Variants in SI observed in about 807,000 individuals in gnomAD.
SI encodes sucrase-isomaltase, intestinal.
Under a neutral mutation model 253.3 loss-of-function variants are expected in SI, and 235 were observed. That is an observed-to-expected ratio of 0.93 (90% CI 0.83 to 1.03). The LOEUF is 1.03. Ranked by LOEUF, SI falls within the 50% of genes least tolerant of loss-of-function variation. SI has a pLI of 0.00. For missense variants in SI, 2,442 were observed against 2,211.1 expected, an observed-to-expected ratio of 1.10 and a Z score of -2.09; for synonymous variants, 819 against 712.0, an observed-to-expected ratio of 1.15 and a Z score of -2.39.
In SI at chr3:165,030,753, T is replaced by C; in HGVS notation, c.2851A>G (p.Thr951Ala). The change falls in exon 25 of 48, where the codon ACT (threonine) becomes GCT (alanine). Residue 951 changes from threonine (T) to alanine (A), a missense_variant. Transcript: ENST00000264382. ...FNCYPDADLA[T>A]EQKCTQRGCV... ...CCACGTTGTGTGCACTTTTGTTCAG[T>C]TGCCAAATCTGCATCTGGATAACAA... The C allele has an allele frequency of 6.2e-7, 1 of 1,609,190 alleles. No individual in the cohort carries two copies. Among genetic ancestry groups the C allele is most frequent in the Non-Finnish European group, 8.5e-7 (1 of 1,176,956 alleles).
At chr3:164,998,475 A>G in intron 38 of SI, 65 bp downstream of exon 38, 1 of 1,531,182 alleles carries the variant, frequency 6.5e-7, no homozygotes, top group Non-Finnish European at 9.0e-7. Flanking sequence ...ATGACCTAGC[A>G]CCAGCAAAAG....
chr3:165,002,636 C>T lies in SI; in HGVS notation c.4407-3963G>A, dbSNP rs371573264. Among the ~76,000 whole-genome samples, 8 of 151,796 alleles carry T rather than the reference C, an allele frequency of 5.3e-5. 1 individual carries two copies. Among genetic ancestry groups the T allele is most frequent in the East Asian group, 1.9e-4 (1 of 5,172 alleles). On this transcript the variant is annotated intron_variant, in intron 37 of 47. Transcript: ENST00000264382. The stretch of plus-strand genomic sequence containing the variant: ...CTCAATGATAAACAGAAAGACTTTA[C>T]TCTTCATAATTTGCTTAAATGTAAC...
At chr3:164,986,481 A>G (rs1458449757) in intron 45 of SI, among the ~76,000 whole-genome samples, 2 of 152,204 alleles carry the variant, frequency 1.3e-5, no homozygotes, top group Non-Finnish European at 2.9e-5. Flanking sequence ...GACAGGCCTT[A>G]CTAGATTTCC....
In SI at chr3:165,059,900, A is replaced by G; in HGVS notation, c.1146+2T>C. The G allele has an allele frequency of 6.2e-7, 1 of 1,611,072 alleles. No homozygotes were observed. Among genetic ancestry groups the G allele is most frequent in the Non-Finnish European group, 8.5e-7 (1 of 1,177,742 alleles). On this transcript the variant is annotated splice_donor_variant, in intron 10 of 47. Transcript: ENST00000264382. LOFTEE classifies it high-confidence loss of function. ...TTCCCACGGACCCTTTATTCTACTT[A>G]CAAATGGTATGCCAGCTTCCCGGTT...
rs1216232085 is a variant in SI at position 164,992,304 on chromosome 3, A to G, written c.4926+9T>C. The G allele has an allele frequency of 6.2e-7, 1 of 1,611,988 alleles. No individual in the cohort carries two copies. Among genetic ancestry groups the G allele is most frequent in the African/African-American group, 1.3e-5 (1 of 74,870 alleles). On this transcript the variant is annotated intron_variant, in intron 42 of 47. Transcript: ENST00000264382. ...AATTGTGTAAACAAAAATATGTGGT[A>G]GGACTTACAGGTTCCAGTACTGGGG...
chr3:164,996,631 A>G lies in SI; in HGVS notation c.4596T>C (p.Gly1532=). ...GATGATATTCTGAGTTGTTGAAAAAACCACAGATGTCTGCTCCAGTCTAAA... is the reference window on the plus strand; with the variant it reads ...GATGATATTCTGAGTTGTTGAAAAAGCCACAGATGTCTGCTCCAGTCTAAA... ...GMSYTGADIC[G]FFNNSEYHLC... The change falls in exon 40 of 48, where the codon GGT becomes GGC. Residue 1532 remains glycine (G), a synonymous_variant. Coordinates refer to ENST00000264382, the MANE Select transcript of SI (RefSeq NM_001041.4). 1.2e-6 allele frequency: 2 copies of G among 1,600,256 alleles called. No homozygotes were observed. The highest frequency in any genetic ancestry group is 1.7e-6 in the Non-Finnish European group (2 of 1,168,224).
intron 35 of SI, among the ~76,000 whole-genome samples, chr3:165,008,970 A>G (rs1043661897): frequency 6.6e-6 from 1 of 152,064 alleles, no homozygotes; most frequent in South Asian, 2.1e-4. Flanking sequence ...TGGTTATTTA[A>G]GCCTGACACT....
chr3:165,059,288 G>A lies in SI; in HGVS notation c.1158C>T (p.Val386=). The A allele has an allele frequency of 6.2e-7, 1 of 1,612,272 alleles. No homozygotes were observed. Among genetic ancestry groups the A allele is most frequent in the East Asian group, 2.2e-5 (1 of 44,754 alleles). The change falls in exon 11 of 48, where the codon GTC becomes GTT. Residue 386 remains valine, a synonymous_variant. Coordinates refer to ENST00000264382, the MANE Select transcript of SI (RefSeq NM_001041.4). The part of the protein sequence containing the change: ...REAGIPFDTQ[V]TDIDYMEDKK... The stretch of plus-strand genomic sequence containing the variant: ...TGTCTTCCATGTAGTCAATATCAGT[G>A]ACCTGTGTATCCTGAAAGTTAGAAG...
chr3:165,046,904 T>A lies in SI; in HGVS notation c.1824A>T (p.Ser608=), dbSNP rs199885741. ...TTATAGACCATTCCATTTGTTCCCA[T>A]GAAGCAGTATTGTCTCCTAACCAAT... ...AAHWLGDNTA[S]WEQMEWSITG... Residue 608 remains serine (S), a synonymous_variant, in exon 16 of 48, where the codon TCA becomes TCT. Transcript: ENST00000264382. The A allele has an allele frequency of 2.5e-6, 4 of 1,613,304 alleles. No individual in the cohort carries two copies. Among genetic ancestry groups the A allele is most frequent in the Non-Finnish European group, 3.4e-6 (4 of 1,179,524 alleles).
chr3:165,045,365 C>T (rs923594136), intron 16 of SI, among the ~76,000 whole-genome samples: 2 of 152,002 alleles, frequency 1.3e-5, no homozygotes, highest in African/African-American at 4.8e-5. Context: ...AAAAGTCCTA[C>T]ATTTAGTTTT....
intron 16 of SI, among the ~76,000 whole-genome samples, chr3:165,043,997 C>T (rs962314249): frequency 6.6e-6 from 1 of 151,874 alleles, no homozygotes; most frequent in African/African-American, 2.4e-5. Flanking sequence ...AAATCCAAAA[C>T]ATTTTGAGAG....
rs183949901 is a variant in SI, at chr3:165,068,160, A to G, written c.483+562T>C. 9.6e-4 allele frequency among the ~76,000 whole-genome samples: 120 copies of G among 125,188 alleles called. 1 individual carries two copies. In the East Asian group the frequency reaches 0.031, roughly 32 times the overall value. The allele number at this position is 125,188 out of a possible 152,430, so 82.1% of individuals were successfully genotyped here. On this transcript the variant is annotated intron_variant, in intron 5 of 47. Coordinates refer to ENST00000264382, the MANE Select transcript of SI (RefSeq NM_001041.4). ...CGACACTAACACTTTTCTGAAATTA[A>G]ATTTTAGATTAATCTTCTGCATAGC... is the stretch of plus-strand genomic sequence containing the variant.
At chr3:165,051,788 T>C (rs1378466772) in intron 13 of SI, among the ~76,000 whole-genome samples, 1 of 151,970 alleles carries the variant, frequency 6.6e-6, no homozygotes, top group Non-Finnish European at 1.5e-5. Context: ...ACAAAATCTT[T>C]CATCAATGAA....
At chr3:165,052,425 G>A (rs1713479040) in intron 13 of SI, among the ~76,000 whole-genome samples, 1 of 152,098 alleles carries the variant, frequency 6.6e-6, no homozygotes, top group Admixed American at 6.6e-5. Flanking sequence ...TGAGGCCAAG[G>A]CGGGTGGATC....
Position 164,996,566 on chromosome 3 carries a change from T to C in SI, c.4661A>G (p.Tyr1554Cys), listed in dbSNP as rs773712921. ...ATTTGCAATGTTGTGATTCCTTGAG[T>C]ATGGATAAAATGCTCCAAGTTGCAT... ...RWMQLGAFYP[Y>C]SRNHNIANTR... The change falls in exon 40 of 48, where the codon TAC (tyrosine) becomes TGC (cysteine). Residue 1554 changes from tyrosine (Y) to cysteine (C), a missense_variant. Physicochemically the swap from Tyr to Cys is radical, Grantham distance 194. Transcript: ENST00000264382. 1.9e-6 allele frequency: 3 copies of C among 1,601,384 alleles called. No individual in the cohort carries two copies. The highest frequency in any genetic ancestry group is 2.6e-6 in the Non-Finnish European group (3 of 1,169,054).
intron 1 of SI, 36 bp downstream of exon 1, chr3:165,078,395 CAT>C (rs1351206839): frequency 1.3e-5 from 2 of 151,820 alleles, no homozygotes; most frequent in Admixed American, 6.6e-5. Flanking sequence ...TAGTTGAAAA[CAT>C]AAAAATAACA....
Position 164,998,511 on chromosome 3 carries a change from T to G in SI, c.4540+29A>C, listed in dbSNP as rs751378013. ...TGAGTATCTAATAGAAAACACAAAA[T>G]AATAATAAAGATGGTGACTTTCACT... is the stretch of plus-strand genomic sequence containing the variant. On this transcript the variant is annotated intron_variant, in intron 38 of 47. Transcript: ENST00000264382. 20 of 1,609,404 alleles carry G rather than the reference T, an allele frequency of 1.2e-5. No individual in the cohort carries two copies. In the Admixed American group the frequency reaches 3.3e-4, roughly 27 times the overall value.
At position 165,065,416 on chromosome 3, in the gene SI, C is replaced by T. The variant is rs374734531; in HGVS notation, c.652G>A (p.Gly218Ser). 2 of 1,520,094 alleles carry T rather than the reference C, an allele frequency of 1.3e-6. No homozygotes were observed. The highest frequency in any genetic ancestry group is 1.5e-5 in the African/African-American group (1 of 68,534). 94.2% of individuals were successfully genotyped at this position (1,520,094 alleles called of 1,614,324 possible). A position where few individuals can be genotyped will look rare whatever the true frequency, so the allele number is the denominator to read the frequency against. The change falls in exon 7 of 48, where the codon GGT (glycine) becomes AGT (serine). Residue 218 changes from glycine (G) to serine (S), a missense_variant. Physicochemically the swap from Gly to Ser is moderately conservative, Grantham distance 56. Coordinates refer to ENST00000264382, the MANE Select transcript of SI (RefSeq NM_001041.4). Reference protein sequence around the residue: ...NGKTLFDTSIGPLVYSDQYLQ... With the variant: ...NGKTLFDTSISPLVYSDQYLQ... Reference sequence around the variant, plus strand: ...TACTGGTCAGAGTACACTAAGGGACCAATGCTGGTGTCAAACCTGCACCAT... The same window carrying T: ...TACTGGTCAGAGTACACTAAGGGACTAATGCTGGTGTCAAACCTGCACCAT...
intron 25 of SI, among the ~76,000 whole-genome samples, chr3:165,026,723 T>A (rs1002016667): frequency 6.6e-6 from 1 of 151,358 alleles, no homozygotes; most frequent in Admixed American, 6.6e-5. Flanking sequence ...TGAATGATCA[T>A]TGGGTCAAAA....
Sources: gnomAD v4.1 joint callset for allele counts (sites outside exome capture counted in the v4.1 genomes callset) on GRCh38, gnomAD v4.1.1 for gene constraint, MANE v1.5 for transcripts, NCBI Gene and HGNC (gene_info 2026-07-23, HGNC 2026-07-21) for gene names.